Variants in CDH13 observed in about 807,000 individuals in gnomAD.
The protein encoded by CDH13 is cadherin 13.
In CDH13, 24 loss-of-function variants were observed where a neutral mutation model predicts 63.8. The ratio of observed to expected loss-of-function variants is 0.38; its 90% CI spans 0.27 to 0.53. The LOEUF (loss-of-function observed/expected upper bound fraction) is 0.53, where lower values mean the gene tolerates loss of function less well. CDH13 is among the 20% of genes least tolerant of loss of function. CDH13 has a pLI of 0.85. For synonymous variants in CDH13, 503 were observed against 355.3 expected (o/e 1.42, Z -4.67); for missense variants, 1,049 against 903.1 (o/e 1.16, Z -2.07).
intron 1 of CDH13, among the ~76,000 whole-genome samples, chr16:82,838,076 C>G (rs573449958): frequency 6.6e-6 from 1 of 152,332 alleles, no homozygotes; most frequent in African/African-American, 2.4e-5. Flanking sequence ...CCCCGCAGAT[C>G]CTGGCCCCAA....
chr16:83,751,428 C>G (rs1913073444), intron 11 of CDH13, among the ~76,000 whole-genome samples: 1 of 132,882 alleles, frequency 7.5e-6, no homozygotes, highest in African/African-American at 2.5e-5. Flanking sequence ...AACCCCATCT[C>G]TACTAAAAAA....
chr16:82,763,256 C>G (rs947384874), intron 1 of CDH13, among the ~76,000 whole-genome samples: 6 of 152,206 alleles, frequency 3.9e-5, no homozygotes, highest in African/African-American at 1.4e-4. Context: ...CAACGTGCCT[C>G]CTGTCTCCTA....
At chr16:82,750,210 G>C (rs1203945788) in intron 1 of CDH13, among the ~76,000 whole-genome samples, 2 of 152,152 alleles carry the variant, frequency 1.3e-5, no homozygotes, top group African/African-American at 2.4e-5. Flanking sequence ...AGCAGATGGT[G>C]GGGGTATCTG....
chr16:83,065,851 G>A (rs78326575), intron 3 of CDH13, among the ~76,000 whole-genome samples: 3,756 of 152,174 alleles, frequency 0.025, 156 homozygotes, highest in African/African-American at 0.084. Context: ...ACACAGCTGG[G>A]GAAACTTCCT....
chr16:83,163,294 T>C (rs1438395607), intron 4 of CDH13, among the ~76,000 whole-genome samples: 2 of 152,078 alleles, frequency 1.3e-5, no homozygotes, highest in East Asian at 1.9e-4. Context: ...CACTCACCTA[T>C]GTAGGGAAAC....
At position 83,271,422 on chromosome 16, in the gene CDH13, T is replaced by TTAAAAAAAAAAAAAAAAAAAAAAAAAA. The variant is rs1555522986; in HGVS notation, c.636+53925_636+53926insTAAAAAAAAAAAAAAAAAAAAAAAAAA. On this transcript the variant is annotated intron_variant, in intron 5 of 13. Coordinates refer to ENST00000567109, the MANE Select transcript of CDH13 (RefSeq NM_001257.5). Reference sequence around the variant, plus strand: ...CTACCGCACATTGAGGCAGAGTTCATAAAAAAAAAAAAAAAAAAAAAAAAA... The same window carrying TTAAAAAAAAAAAAAAAAAAAAAAAAAA: ...CTACCGCACATTGAGGCAGAGTTCATTAAAAAAAAAAAAAAAAAAAAAAAAAAAAAAAAAAAAAAAAAAAAAAAAAAA... Among the ~76,000 whole-genome samples the TTAAAAAAAAAAAAAAAAAAAAAAAAAA allele has an allele frequency of 1.9e-4, 5 of 26,032 alleles. 2 individuals carry two copies. Among genetic ancestry groups the TTAAAAAAAAAAAAAAAAAAAAAAAAAA allele is most frequent in the African/African-American group, 2.7e-4 (2 of 7,480 alleles). 17.1% of individuals were successfully genotyped at this position (26,032 alleles called of 152,430 possible).
At chr16:83,481,437 C>T (rs372443075) in intron 6 of CDH13, among the ~76,000 whole-genome samples, 15 of 152,218 alleles carry the variant, frequency 9.9e-5, no homozygotes, top group Admixed American at 3.9e-4. Context: ...GATCTGCGCT[C>T]TCCTTTCTCA....
intron 5 of CDH13, among the ~76,000 whole-genome samples, chr16:83,244,818 T>C (rs1188304953): frequency 6.6e-6 from 1 of 152,126 alleles, no homozygotes; most frequent in East Asian, 1.9e-4. Flanking sequence ...TAAAATGCTG[T>C]CTAATGAGGG....
chr16:82,788,926 C>T (rs1194550869), intron 1 of CDH13, among the ~76,000 whole-genome samples: 1 of 152,180 alleles, frequency 6.6e-6, no homozygotes, highest in African/African-American at 2.4e-5. Flanking sequence ...AGAAACTGAG[C>T]AGGACTTGGG....
chr16:83,256,132 G>C (rs11149550), intron 5 of CDH13, among the ~76,000 whole-genome samples: 147,979 of 152,262 alleles, frequency 0.97, 72,062 homozygotes, highest in East Asian at 1. Flanking sequence ...TTCCTGAGCT[G>C]AAGTGAGCCT....
At chr16:83,156,661 C>T (rs982692661) in intron 4 of CDH13, among the ~76,000 whole-genome samples, 1 of 152,218 alleles carries the variant, frequency 6.6e-6, no homozygotes, top group Admixed American at 6.5e-5. Flanking sequence ...TACTCACCTG[C>T]TGCCAGGGCT....
At chr16:83,436,543 A>G (rs773176881) in intron 6 of CDH13, among the ~76,000 whole-genome samples, 3 of 152,176 alleles carry the variant, frequency 2.0e-5, no homozygotes, top group Non-Finnish European at 2.9e-5. Context: ...GGACACCTTA[A>G]TGCTTTCTTC....
At chr16:83,763,601 G>A (rs1914150684) in intron 11 of CDH13, among the ~76,000 whole-genome samples, 1 of 152,098 alleles carries the variant, frequency 6.6e-6, no homozygotes. Flanking sequence ...TATTTAGATT[G>A]ATTCTACTTA....
intron 2 of CDH13, among the ~76,000 whole-genome samples, chr16:83,016,863 A>C (rs576010930): frequency 6.6e-6 from 1 of 152,292 alleles, no homozygotes; most frequent in South Asian, 2.1e-4. Flanking sequence ...CACGTCATTT[A>C]TGACATTTAT....
intron 8 of CDH13, among the ~76,000 whole-genome samples, chr16:83,615,626 A>G (rs1909220750): frequency 6.6e-6 from 1 of 152,164 alleles, no homozygotes; most frequent in Non-Finnish European, 1.5e-5. Flanking sequence ...TTTGTACAGA[A>G]TGGTGGGGAA....
At chr16:82,999,516 C>T (rs1355388878) in intron 2 of CDH13, among the ~76,000 whole-genome samples, 2 of 150,458 alleles carry the variant, frequency 1.3e-5, no homozygotes, top group Non-Finnish European at 3.0e-5. Context: ...GTGTTCAAGG[C>T]AACCATAAAA....
rs113613339 is a variant in CDH13 at position 82,936,556 on chromosome 16, T to G, written c.157+78083T>G. ...TTGGAAGACTGCTGATCTATAGGGT[T>G]TATTAAAACAGTAGGCCCCCCACCT... On this transcript the variant is annotated intron_variant, in intron 2 of 13. Transcript: ENST00000567109. Among the ~76,000 whole-genome samples the G allele has an allele frequency of 9.6e-3, 1,458 of 152,258 alleles. 21 individuals are homozygous for G. The highest frequency in any genetic ancestry group is 0.034 in the African/African-American group (1,403 of 41,548).
At chr16:83,625,008 T>C (rs936054895) in intron 8 of CDH13, among the ~76,000 whole-genome samples, 1 of 152,182 alleles carries the variant, frequency 6.6e-6, no homozygotes, top group African/African-American at 2.4e-5. Flanking sequence ...ATCGAGTACA[T>C]AGCTTGAAAT....
At chr16:83,099,885 C>G (rs1050620314) in intron 3 of CDH13, among the ~76,000 whole-genome samples, 1 of 152,128 alleles carries the variant, frequency 6.6e-6, no homozygotes, top group Admixed American at 6.6e-5. Context: ...GTTATCGCTG[C>G]TGTTTTATGC....
Sources: gnomAD v4.1 joint callset for allele counts (sites outside exome capture counted in the v4.1 genomes callset) on GRCh38, gnomAD v4.1.1 for gene constraint, MANE v1.5 for transcripts, NCBI Gene and HGNC (gene_info 2026-07-23, HGNC 2026-07-21) for gene names.